FMO3: variants seen among roughly 807,000 people sequenced by gnomAD.
FMO3 encodes flavin-containing monooxygenase 3.
In FMO3, 40 loss-of-function variants were observed where a neutral mutation model predicts 39.4. The observed-to-expected ratio is 1.02, with a 90% confidence interval of 0.79 to 1.32. The LOEUF (loss-of-function observed/expected upper bound fraction) is 1.32. Among genes scored for constraint, FMO3 ranks in the 40% most tolerant of loss-of-function variants. The pLI is 0.00. For missense variants in FMO3, 680 were observed against 651.8 expected, an observed-to-expected ratio of 1.04 and a Z score of -0.47; for synonymous variants, 219 against 228.8, an observed-to-expected ratio of 0.96 and a Z score of 0.39.
At chr1:171,096,781 A>C (rs1196636729) in intron 2 of FMO3, among the ~76,000 whole-genome samples, 1 of 107,574 alleles carries the variant, frequency 9.3e-6, no homozygotes, top group Non-Finnish European at 1.9e-5. Context: ...ATATAATTAT[A>C]TTAAAAATAT....
At chr1:171,097,201 T>G (rs1359694457) in intron 2 of FMO3, among the ~76,000 whole-genome samples, 1 of 143,460 alleles carries the variant, frequency 7.0e-6, no homozygotes, top group Non-Finnish European at 1.5e-5. Flanking sequence ...TGTTGGACAT[T>G]TGGGTTGGTT....
At position 171,103,835 on chromosome 1, in the gene FMO3, CT is replaced by C. The variant is rs1267874007; in HGVS notation, c.184del (p.Ser62LeufsTer5). ...GCATTTACAAATCAGTCTTTTCCAA[CT>C]CTTCCAAAGAGATGATGTGTTTCCC... ...ASIYKSVFSN[S>X]SKEMMCFPDF... On this transcript the variant is annotated frameshift_variant, in exon 3 of 9. Coordinates refer to ENST00000367755, the MANE Select transcript of FMO3 (RefSeq NM_001002294.3). LOFTEE classifies it high-confidence loss of function. 4 of 1,613,790 alleles carry C rather than the reference CT, an allele frequency of 2.5e-6. No individual in the cohort carries two copies. In the African/African-American group the frequency reaches 5.3e-5, roughly 22 times the overall value.
At chr1:171,113,129 G>A (rs1187764938) in intron 6 of FMO3, among the ~76,000 whole-genome samples, 1 of 151,976 alleles carries the variant, frequency 6.6e-6, no homozygotes. Flanking sequence ...GAATCTGCCT[G>A]TAGCACTCTC....
At chr1:171,091,426 G>A (rs1019140210) in intron 1 of FMO3, among the ~76,000 whole-genome samples, 3 of 151,826 alleles carry the variant, frequency 2.0e-5, no homozygotes, top group African/African-American at 7.3e-5. Flanking sequence ...GCATAGCTAT[G>A]TGATTTTGTC....
At chr1:171,113,674 A>T (rs1323855737) in intron 6 of FMO3, among the ~76,000 whole-genome samples, 2 of 152,236 alleles carry the variant, frequency 1.3e-5, no homozygotes, top group Non-Finnish European at 2.9e-5. Context: ...GCAACTTTAA[A>T]AATGTAAACA....
intron 2 of FMO3, among the ~76,000 whole-genome samples, chr1:171,096,253 TATA>T (rs1248986253): frequency 9.9e-5 from 8 of 81,080 alleles, no homozygotes; most frequent in Non-Finnish European, 1.7e-4. Context: ...ATACATATTA[TATA>T]ATTTTATATA....
intron 5 of FMO3, among the ~76,000 whole-genome samples, chr1:171,110,212 T>C (rs912590884): frequency 2.0e-5 from 3 of 152,200 alleles, no homozygotes; most frequent in Admixed American, 6.5e-5. Context: ...TCCAAATTTC[T>C]CACCTTCTTT....
chr1:171,094,948 G>T (rs1398770223), intron 2 of FMO3, among the ~76,000 whole-genome samples: 1 of 152,056 alleles, frequency 6.6e-6, no homozygotes, highest in African/African-American at 2.4e-5. Context: ...TGAATTTTTA[G>T]AATTGTTCTA....
intron 3 of FMO3, among the ~76,000 whole-genome samples, chr1:171,104,308 T>A (rs941007493): frequency 1.1e-4 from 16 of 152,152 alleles, no homozygotes; most frequent in Non-Finnish European, 2.2e-4. Flanking sequence ...AATGGGAATT[T>A]AAAAATATCT....
At chr1:171,108,500 C>G (rs1012364524) in intron 5 of FMO3, among the ~76,000 whole-genome samples, 1 of 152,116 alleles carries the variant, frequency 6.6e-6, no homozygotes. Flanking sequence ...AAAACTAGCA[C>G]AGATTTAGGG....
intron 2 of FMO3, chr1:171,101,739 C>T (rs1213172850): frequency 7.7e-6 from 4 of 517,798 alleles, no homozygotes; most frequent in Non-Finnish European, 1.6e-5. Flanking sequence ...GAGGACATTT[C>T]ACCCAGATCT....
intron 2 of FMO3, chr1:171,099,825 C>A (rs1336158902): frequency 1.4e-5 from 2 of 143,362 alleles, no homozygotes; most frequent in African/African-American, 5.2e-5. Context: ...TCTCTTGTTG[C>A]CCAGGCTGGA....
chr1:171,099,369 T>C (rs886339116), intron 2 of FMO3, among the ~76,000 whole-genome samples: 8 of 152,182 alleles, frequency 5.3e-5, no homozygotes, highest in African/African-American at 1.9e-4. Flanking sequence ...CAACATCTTA[T>C]ACAATGTTGT....
chr1:171,092,431 C>T (rs1456570096), intron 1 of FMO3, among the ~76,000 whole-genome samples: 2 of 152,072 alleles, frequency 1.3e-5, no homozygotes, highest in Non-Finnish European at 2.9e-5. Context: ...GGGTCTCACT[C>T]TGTTGTCCAG....
At chr1:171,105,806 C>T (rs1655610791) in intron 3 of FMO3, among the ~76,000 whole-genome samples, 1 of 151,942 alleles carries the variant, frequency 6.6e-6, no homozygotes, top group Non-Finnish European at 1.5e-5. Context: ...AGTTTAACAC[C>T]TATTTATGCA....
At position 171,114,283 on chromosome 1, in the gene FMO3, G is replaced by A. The variant is rs1656048236; in HGVS notation, c.1104G>A (p.Val368=). Residue 368 remains valine, a synonymous_variant, in exon 7 of 9, where the codon GTG becomes GTA. Coordinates refer to ENST00000367755, the MANE Select transcript of FMO3 (RefSeq NM_001002294.3). ...PPLLEKSTIA[V]IGFVQSLGAA... is the part of the protein sequence containing the mutation. ...TACTTGAGAAGTCAACCATAGCAGT[G>A]ATTGGCTTTGTCCAGTCCCTTGGGG... The A allele has an allele frequency of 2.5e-6, 4 of 1,613,838 alleles. No individual in the cohort carries two copies. The highest frequency in any genetic ancestry group is 3.4e-6 in the Non-Finnish European group (4 of 1,179,960).
intron 2 of FMO3, among the ~76,000 whole-genome samples, chr1:171,094,016 A>C (rs1654841562): frequency 6.6e-6 from 1 of 151,458 alleles, no homozygotes; most frequent in Admixed American, 6.6e-5. Context: ...TTTAGTAGAG[A>C]CAGAGTTTCG....
chr1:171,103,202 G>C (rs1343536101), intron 2 of FMO3, among the ~76,000 whole-genome samples: 2 of 152,040 alleles, frequency 1.3e-5, no homozygotes, highest in East Asian at 3.9e-4. Context: ...TAGTTACATA[G>C]GCCTAAAGGA....
At chr1:171,107,090 A>T (rs1261100802) in intron 3 of FMO3, among the ~76,000 whole-genome samples, 1 of 152,162 alleles carries the variant, frequency 6.6e-6, no homozygotes, top group Non-Finnish European at 1.5e-5. Flanking sequence ...GAATTGAAAG[A>T]TTTTTTTAAA....
Sources: allele counts gnomAD v4.1 joint callset (sites outside exome capture counted in the v4.1 genomes callset), GRCh38; gene constraint gnomAD v4.1.1; transcripts MANE v1.5; gene names NCBI Gene and HGNC (gene_info 2026-07-23, HGNC 2026-07-21).